Variants in RIN2 observed in about 807,000 individuals in gnomAD.
RIN2 encodes Ras and Rab interactor 2.
RIN2 carries 36 observed loss-of-function variants against 78.0 expected under a neutral mutation model. The ratio of observed to expected loss-of-function variants is 0.46; its 90% CI spans 0.35 to 0.61. RIN2 has a LOEUF of 0.61. Among genes scored for constraint, RIN2 ranks in the 20% least tolerant of loss-of-function variants. RIN2 has a pLI of 0.00. For synonymous variants in RIN2, 466 were observed against 466.8 expected (o/e 1.00, Z 0.02); for missense variants, 1,087 against 1,159.7 (o/e 0.94, Z 0.91).
intron 12 of RIN2, among the ~76,000 whole-genome samples, chr20:19,998,342 A>G (rs1031806971): frequency 1.3e-5 from 2 of 151,978 alleles, no homozygotes; most frequent in African/African-American, 4.8e-5. Context: ...TCATGCCTGT[A>G]ATCCCAGCAC....
At chr20:19,960,460 T>G (rs2041704025) in intron 5 of RIN2, among the ~76,000 whole-genome samples, 1 of 152,322 alleles carries the variant, frequency 6.6e-6, no homozygotes, top group Non-Finnish European at 1.5e-5. Flanking sequence ...GGGGAGTTCT[T>G]AGCCCCATGG....
chr20:19,898,884 A>G (rs1321484118), intron 3 of RIN2, among the ~76,000 whole-genome samples: 2 of 152,236 alleles, frequency 1.3e-5, no homozygotes, highest in East Asian at 1.9e-4. Flanking sequence ...CTGGGGTGAA[A>G]GCAGAAATAC....
chr20:19,811,045 TAA>T (rs67108678), intron 2 of RIN2, among the ~76,000 whole-genome samples: 21,527 of 148,958 alleles, frequency 0.14, 2,041 homozygotes, highest in African/African-American at 0.27. Flanking sequence ...TTGTTTAATA[TAA>T]AAAAAAAATG....
chr20:19,872,069 G>C (rs565573305), intron 2 of RIN2: 1 of 151,978 alleles, frequency 6.6e-6, no homozygotes, highest in Admixed American at 6.6e-5. Flanking sequence ...TGGATCATGG[G>C]GGCAGTTTCC....
At chr20:19,800,020 T>C (rs2122703313) in intron 2 of RIN2, among the ~76,000 whole-genome samples, 2 of 152,282 alleles carry the variant, frequency 1.3e-5, no homozygotes, top group South Asian at 4.1e-4. Flanking sequence ...AGAGCACTCA[T>C]CATGGGCCAA....
At chr20:19,842,628 AT>A (rs904425124) in intron 2 of RIN2, among the ~76,000 whole-genome samples, 14 of 152,044 alleles carry the variant, frequency 9.2e-5, no homozygotes, top group Admixed American at 5.2e-4. Flanking sequence ...TTCTTTAAAA[AT>A]ATTACTGTTT....
intron 3 of RIN2, 92 bp downstream of exon 3, chr20:19,889,750 T>C: frequency 9.6e-7 from 1 of 1,042,514 alleles, no homozygotes; most frequent in African/African-American, 1.6e-5. Context: ...GAGGGAAGTC[T>C]GCTCTCTGAG....
At chr20:19,858,853 A>G (rs867172407) in intron 2 of RIN2, among the ~76,000 whole-genome samples, 15 of 152,352 alleles carry the variant, frequency 9.8e-5, no homozygotes, top group Middle Eastern at 3.4e-3. Flanking sequence ...CAGGGCCTGA[A>G]CTGAGCTGAC....
intron 4 of RIN2, among the ~76,000 whole-genome samples, chr20:19,941,581 GTT>G (rs1275388884): frequency 1.3e-5 from 2 of 152,120 alleles, no homozygotes; most frequent in African/African-American, 4.8e-5. Flanking sequence ...TCACAAACCT[GTT>G]ACTGCTACAG....
chr20:19,918,933 T>C (rs1272345220), intron 3 of RIN2, among the ~76,000 whole-genome samples: 1 of 152,248 alleles, frequency 6.6e-6, no homozygotes, highest in Non-Finnish European at 1.5e-5. Context: ...GGCTGAACTA[T>C]GTGTGGGAGA....
At chr20:19,881,788 A>G (rs2038033562) in intron 2 of RIN2, among the ~76,000 whole-genome samples, 1 of 152,156 alleles carries the variant, frequency 6.6e-6, no homozygotes, top group Admixed American at 6.6e-5. Flanking sequence ...GACTTTGTTT[A>G]TGTTCTTTAC....
intron 2 of RIN2, among the ~76,000 whole-genome samples, chr20:19,835,523 C>T (rs151089211): frequency 1.6e-3 from 246 of 152,072 alleles, no homozygotes; most frequent in African/African-American, 5.1e-3. Flanking sequence ...AGGAGTAAAC[C>T]GAATTTCACA....
intron 11 of RIN2, among the ~76,000 whole-genome samples, chr20:19,993,434 A>G (rs896011865): frequency 6.6e-6 from 1 of 151,460 alleles, no homozygotes; most frequent in Non-Finnish European, 1.5e-5. Flanking sequence ...TCAGTCCTGT[A>G]ATGTGAATTC....
intron 3 of RIN2, among the ~76,000 whole-genome samples, chr20:19,927,280 C>T (rs1045996157): frequency 6.6e-6 from 1 of 152,240 alleles, no homozygotes; most frequent in African/African-American, 2.4e-5. Context: ...TGGGGTCTCA[C>T]TCTGTTACCT....
intron 3 of RIN2, among the ~76,000 whole-genome samples, chr20:19,909,579 G>C (rs115558810): frequency 0.013 from 1,960 of 152,260 alleles, 33 homozygotes; most frequent in African/African-American, 0.044. Flanking sequence ...CCGCTGGCAT[G>C]GGATGATTTG....
At chr20:19,816,141 AC>A (rs2035760718) in intron 2 of RIN2, among the ~76,000 whole-genome samples, 1 of 152,180 alleles carries the variant, frequency 6.6e-6, no homozygotes, top group African/African-American at 2.4e-5. Context: ...TCTCAAACAT[AC>A]TTTTATCTAA....
chr20:19,839,093 T>G (rs1302946388), intron 2 of RIN2, among the ~76,000 whole-genome samples: 1 of 152,236 alleles, frequency 6.6e-6, no homozygotes, highest in African/African-American at 2.4e-5. Context: ...GCAGCCCCAG[T>G]GCTCAGCGCC....
intron 1 of RIN2, among the ~76,000 whole-genome samples, chr20:19,794,201 C>T (rs1413782821): frequency 6.6e-6 from 1 of 152,058 alleles, no homozygotes; most frequent in Non-Finnish European, 1.5e-5. Flanking sequence ...AGATGAACTC[C>T]ACCAGTAGCA....
rs1196560113 is a variant in RIN2 at position 20,002,201 on chromosome 20, A to G, written c.*1265A>G. On this transcript the variant is annotated 3_prime_UTR_variant, in exon 13 of 13. Coordinates refer to ENST00000255006, the MANE Select transcript of RIN2 (RefSeq NM_018993.4). The stretch of plus-strand genomic sequence containing the variant: ...TTAAATAAAACCAGTTTGCAGGTGC[A>G]CAAACTATGAGGGTCTTGTATCCAC... 6.6e-6 allele frequency: 1 copy of G among 152,310 alleles called. No individual in the cohort carries two copies. Among genetic ancestry groups the G allele is most frequent in the Non-Finnish European group, 1.5e-5 (1 of 68,046 alleles). 9.4% of individuals were successfully genotyped at this position (152,310 alleles called of 1,614,324 possible). A position where few individuals can be genotyped will look rare whatever the true frequency, so the allele number is the denominator to read the frequency against.
Sources: gnomAD v4.1 joint callset for allele counts (sites outside exome capture counted in the v4.1 genomes callset) on GRCh38, gnomAD v4.1.1 for gene constraint, MANE v1.5 for transcripts, NCBI Gene and HGNC (gene_info 2026-07-23, HGNC 2026-07-21) for gene names.